EYS: variants seen among roughly 807,000 people sequenced by gnomAD.
EYS encodes protein eyes shut homolog.
EYS carries 250 observed loss-of-function variants against 282.1 expected under a neutral mutation model. That is an observed-to-expected ratio of 0.89 (90% CI 0.80 to 0.98). The LOEUF (loss-of-function observed/expected upper bound fraction) is 0.98. Among genes scored for constraint, EYS ranks in the 50% least tolerant of loss-of-function variants. EYS has a pLI of 0.00. For missense variants in EYS, 4,016 were observed against 3,709.0 expected (o/e 1.08, Z -2.15); for synonymous variants, 1,355 against 1,282.9 (o/e 1.06, Z -1.20).
intron 22 of EYS, among the ~76,000 whole-genome samples, chr6:64,675,257 C>A (rs73440824): frequency 6.6e-6 from 1 of 152,080 alleles, no homozygotes. Flanking sequence ...TATCTTCTAT[C>A]ATGTACCATC....
intron 30 of EYS, among the ~76,000 whole-genome samples, chr6:64,234,247 A>C: frequency 7.0e-6 from 1 of 143,758 alleles, no homozygotes. Flanking sequence ...ATCTCATGTA[A>C]AGAAAACTCA....
At chr6:64,753,182 A>G (rs1043103080) in intron 22 of EYS, among the ~76,000 whole-genome samples, 9 of 152,160 alleles carry the variant, frequency 5.9e-5, no homozygotes, top group Non-Finnish European at 1.0e-4. Context: ...TAAAATAAGT[A>G]TACAATTGAG....
chr6:65,234,272 ACTCCGG>A (rs946668776), intron 12 of EYS, among the ~76,000 whole-genome samples: 70 of 152,096 alleles, frequency 4.6e-4, no homozygotes, highest in Non-Finnish European at 8.8e-4. Context: ...TCAAAGTGGT[ACTCCGG>A]CTCTAAGAGT....
rs1442760620 is a variant in EYS at position 64,452,972 on chromosome 6, C to G, written c.5645-13620G>C. ...GGGCAAGGACTTCATGTCTAAAACA[C>G]CAAAAGCAATGGCAACAAAAGCCAA... On this transcript the variant is annotated intron_variant, in intron 26 of 42. Transcript: ENST00000503581. 2.0e-5 allele frequency among the ~76,000 whole-genome samples: 3 copies of G among 152,158 alleles called. No homozygotes were observed. The East Asian group carries it at 5.8e-4, about 29-fold the overall frequency.
chr6:65,517,433 C>A (rs920803902), intron 2 of EYS, among the ~76,000 whole-genome samples: 1 of 151,624 alleles, frequency 6.6e-6, no homozygotes, highest in Non-Finnish European at 1.5e-5. Flanking sequence ...ACTCAAAAAT[C>A]TTTCACAATG....
chr6:65,700,920 G>T (rs753955301), intron 1 of EYS, among the ~76,000 whole-genome samples: 1 of 152,110 alleles, frequency 6.6e-6, no homozygotes, highest in Non-Finnish European at 1.5e-5. Flanking sequence ...ATCCAGCCTT[G>T]TTTGGGGACC....
At chr6:64,460,143 AT>A (rs1775695898) in intron 26 of EYS, among the ~76,000 whole-genome samples, 1 of 152,298 alleles carries the variant, frequency 6.6e-6, no homozygotes, top group Admixed American at 6.5e-5. Flanking sequence ...ATGACAAAAT[AT>A]TTTTTAAAAA....
At chr6:64,882,981 A>G (rs1053395160) in intron 19 of EYS, among the ~76,000 whole-genome samples, 4 of 151,626 alleles carry the variant, frequency 2.6e-5, no homozygotes, top group African/African-American at 9.7e-5. Flanking sequence ...AGATTCCTAT[A>G]GAAAGTTGCA....
chr6:64,241,635 T>C (rs747785380), intron 30 of EYS, among the ~76,000 whole-genome samples: 1 of 151,568 alleles, frequency 6.6e-6, no homozygotes, highest in African/African-American at 2.4e-5. Flanking sequence ...AGCTCCTGGA[T>C]TCATTGATTT....
intron 35 of EYS, among the ~76,000 whole-genome samples, chr6:63,880,496 T>C (rs928500861): frequency 1.2e-4 from 18 of 151,682 alleles, no homozygotes; most frequent in African/African-American, 4.4e-4. Flanking sequence ...TGTATCTATC[T>C]ATCTATCTAT....
intron 35 of EYS, among the ~76,000 whole-genome samples, chr6:63,960,592 C>A (rs1305145358): frequency 6.6e-6 from 1 of 152,118 alleles, no homozygotes; most frequent in East Asian, 1.9e-4. Flanking sequence ...CAAGAAGAGT[C>A]AATGTGACAA....
chr6:64,524,265 C>T (rs2150527582), intron 26 of EYS, among the ~76,000 whole-genome samples: 1 of 151,584 alleles, frequency 6.6e-6, no homozygotes, highest in Non-Finnish European at 1.5e-5. Flanking sequence ...TAAAATAATT[C>T]CACATGTTTG....
intron 26 of EYS, among the ~76,000 whole-genome samples, chr6:64,531,274 G>T (rs1471925564): frequency 3.3e-5 from 5 of 152,088 alleles, no homozygotes; most frequent in Admixed American, 6.5e-5. Context: ...CCAGCTCAAA[G>T]AATTAGCTAA....
chr6:64,972,231 T>G (rs957138107), intron 14 of EYS, among the ~76,000 whole-genome samples: 1 of 152,136 alleles, frequency 6.6e-6, no homozygotes, highest in Non-Finnish European at 1.5e-5. Context: ...GCAGAAGAGT[T>G]CTGATTGCTC....
intron 2 of EYS, among the ~76,000 whole-genome samples, chr6:65,635,471 C>G (rs1339523945): frequency 1.3e-5 from 2 of 152,068 alleles, no homozygotes; most frequent in Non-Finnish European, 2.9e-5. Context: ...GTTTATATGA[C>G]TTTTATCTTA....
chr6:65,237,859 T>A (rs1766965929), intron 12 of EYS, among the ~76,000 whole-genome samples: 1 of 152,152 alleles, frequency 6.6e-6, no homozygotes, highest in African/African-American at 2.4e-5. Flanking sequence ...ATACAGTGTA[T>A]TTGGTAAAAG....
Position 64,617,446 on chromosome 6 carries a change from G to T in EYS, c.3656C>A (p.Ser1219Ter), listed in dbSNP as rs1348677546. The T allele has an allele frequency of 6.5e-7, 1 of 1,550,018 alleles. No individual in the cohort carries two copies. The highest frequency in any genetic ancestry group is 8.7e-7 in the Non-Finnish European group (1 of 1,145,896). Reference sequence around the variant, plus strand: ...AAATCCAGGTGTGCATAAACATGTCGAGCCAGGTTCATTCTCCATGCAGAG... The same window carrying T: ...AAATCCAGGTGTGCATAAACATGTCTAGCCAGGTTCATTCTCCATGCAGAG... The part of the protein sequence containing the change: ...HELCMENEPG[S>*]TCLCTPGFMT... The change falls in exon 24 of 43, where the codon TCG (serine) becomes TAG (stop). Residue 1219 changes from serine (S) to a stop codon, truncating the protein, a stop_gained. Transcript: ENST00000503581. LOFTEE classifies it high-confidence loss of function.
chr6:64,824,410 G>C (rs1198384939), intron 19 of EYS, among the ~76,000 whole-genome samples: 1 of 151,976 alleles, frequency 6.6e-6, no homozygotes, highest in Non-Finnish European at 1.5e-5. Context: ...TGGGATGATA[G>C]AGTATAGGCA....
intron 12 of EYS, among the ~76,000 whole-genome samples, chr6:65,087,129 T>TC (rs1774405124): frequency 6.6e-6 from 1 of 152,256 alleles, no homozygotes; most frequent in South Asian, 2.1e-4. Context: ...CCATATGTGT[T>TC]ATTTTTTAAC....
Sources: allele counts gnomAD v4.1 joint callset (sites outside exome capture counted in the v4.1 genomes callset), GRCh38; gene constraint gnomAD v4.1.1; transcripts MANE v1.5; gene names NCBI Gene and HGNC (gene_info 2026-07-23, HGNC 2026-07-21).